Variants in AIDA observed in about 807,000 individuals in gnomAD.
The protein encoded by AIDA is axin interactor, dorsalization associated, also known as axin interactor, dorsalization-associated protein.
AIDA carries 18 observed loss-of-function variants against 42.7 expected under a neutral mutation model. The observed-to-expected ratio is 0.42, with a 90% CI of 0.29 to 0.63. The LOEUF is 0.63. AIDA is among the 20% of genes least tolerant of loss of function. The pLI, the probability that AIDA is intolerant of heterozygous loss-of-function variation, is 0.19. For missense variants in AIDA, 250 were observed against 354.1 expected (o/e 0.71, Z 2.36); for synonymous variants, 104 against 122.9 (o/e 0.85, Z 1.02).
At chr1:222,706,301 C>T (rs776777085) in intron 1 of AIDA, among the ~76,000 whole-genome samples, 2 of 151,984 alleles carry the variant, frequency 1.3e-5, no homozygotes, top group Non-Finnish European at 2.9e-5. Context: ...ATCATATGAC[C>T]CAGTAATTCC....
rs973009481 is a variant in AIDA, at chr1:222,706,627, G to C, written c.111-3410C>G. ...CTCATGCCTGTAATCCCAGCACATT[G>C]GGAGGCCGAGGCAGGTGGATCACTT... On this transcript the variant is annotated intron_variant, in intron 1 of 9. Coordinates refer to ENST00000340020, the MANE Select transcript of AIDA (RefSeq NM_022831.4). Among the ~76,000 whole-genome samples the C allele has an allele frequency of 2.0e-5, 3 of 152,028 alleles. No individual in the cohort carries two copies. The South Asian group carries it at 6.2e-4, about 32-fold the overall frequency.
chr1:222,689,350 G>A (rs1345194275), intron 4 of AIDA, among the ~76,000 whole-genome samples: 1 of 150,920 alleles, frequency 6.6e-6, no homozygotes, highest in Non-Finnish European at 1.5e-5. Flanking sequence ...TGAGTCATGA[G>A]AATTGCTTGA....
At chr1:222,682,741 A>T (rs980364136) in intron 6 of AIDA, among the ~76,000 whole-genome samples, 1 of 152,184 alleles carries the variant, frequency 6.6e-6, no homozygotes, top group Non-Finnish European at 1.5e-5. Context: ...CCAAAACATA[A>T]TAAAAATATA....
At chr1:222,700,267 C>T (rs1466943449) in intron 2 of AIDA, among the ~76,000 whole-genome samples, 1 of 152,128 alleles carries the variant, frequency 6.6e-6, no homozygotes, top group Non-Finnish European at 1.5e-5. Context: ...GAAGGCAGGG[C>T]AGAACACTTC....
At chr1:222,681,236 C>T (rs1021557533) in intron 6 of AIDA, among the ~76,000 whole-genome samples, 6 of 152,188 alleles carry the variant, frequency 3.9e-5, no homozygotes, top group African/African-American at 1.4e-4. Context: ...AAACAGAAAA[C>T]GCTGACACTG....
intron 8 of AIDA, 24 bp downstream of exon 8, chr1:222,673,289 C>T (rs1450342942): frequency 1.3e-6 from 2 of 1,585,068 alleles, no homozygotes; most frequent in Non-Finnish European, 1.7e-6. Context: ...CATAAGAAGC[C>T]AAGTATTATT....
intron 2 of AIDA, 99 bp from the exon 3 acceptor site, chr1:222,694,362 TTAAG>T (rs1655458599): frequency 9.9e-7 from 1 of 1,006,228 alleles, no homozygotes; most frequent in Non-Finnish European, 1.5e-6. Context: ...CATAATTCTC[TTAAG>T]TAAGTTAAAT....
At chr1:222,688,302 T>C (rs1655255759) in intron 4 of AIDA, among the ~76,000 whole-genome samples, 1 of 152,226 alleles carries the variant, frequency 6.6e-6, no homozygotes, top group African/African-American at 2.4e-5. Context: ...TGGTAGTTTG[T>C]AGCAGCAAGG....
At chr1:222,686,176 A>C (rs771745482) in intron 6 of AIDA, among the ~76,000 whole-genome samples, 3 of 152,186 alleles carry the variant, frequency 2.0e-5, no homozygotes, top group Non-Finnish European at 2.9e-5. Flanking sequence ...AAAACAAAAC[A>C]AAACAAAAGA....
At chr1:222,691,944 G>A (rs1321946533) in intron 4 of AIDA, among the ~76,000 whole-genome samples, 1 of 152,128 alleles carries the variant, frequency 6.6e-6, no homozygotes, top group East Asian at 1.9e-4. Context: ...AAAAGGAAAT[G>A]TTTGTTCTGG....
intron 2 of AIDA, among the ~76,000 whole-genome samples, chr1:222,694,683 G>A (rs1456591669): frequency 6.6e-6 from 1 of 152,146 alleles, no homozygotes; most frequent in Non-Finnish European, 1.5e-5. Flanking sequence ...ACACCAACTT[G>A]TTTAATATAT....
intron 2 of AIDA, among the ~76,000 whole-genome samples, 180 bp downstream of exon 2, chr1:222,702,968 C>G (rs1267100815): frequency 1.3e-5 from 2 of 152,238 alleles, no homozygotes; most frequent in Non-Finnish European, 2.9e-5. Context: ...ATTGATAAGT[C>G]ATATGGTATC....
chr1:222,696,012 CACT>C (rs1168793400), intron 2 of AIDA, among the ~76,000 whole-genome samples: 1 of 152,106 alleles, frequency 6.6e-6, no homozygotes, highest in Non-Finnish European at 1.5e-5. Context: ...CAAAATAAAC[CACT>C]ACTGAGCAAG....
chr1:222,686,316 T>C (rs532920142), intron 6 of AIDA, among the ~76,000 whole-genome samples: 1 of 152,306 alleles, frequency 6.6e-6, no homozygotes, highest in Admixed American at 6.5e-5. Flanking sequence ...GTTCCCACCA[T>C]TCCCTGATAA....
chr1:222,675,714 A>T (rs939078496), intron 7 of AIDA, among the ~76,000 whole-genome samples: 3 of 152,200 alleles, frequency 2.0e-5, no homozygotes, highest in African/African-American at 7.2e-5. Context: ...GGGAAACAGA[A>T]CACTGGGCTT....
intron 2 of AIDA, among the ~76,000 whole-genome samples, chr1:222,697,862 G>T (rs1039669630): frequency 6.6e-6 from 1 of 150,848 alleles, no homozygotes; most frequent in South Asian, 2.1e-4. Context: ...GAACTGAGGG[G>T]GAAGAGATGA....
At chr1:222,704,822 A>T (rs938616985) in intron 1 of AIDA, among the ~76,000 whole-genome samples, 5 of 151,548 alleles carry the variant, frequency 3.3e-5, no homozygotes, top group African/African-American at 9.7e-5. Flanking sequence ...TCTCAATTTT[A>T]AAAAAATATA....
chr1:222,697,098 G>A (rs146416794), intron 2 of AIDA, among the ~76,000 whole-genome samples: 2 of 151,588 alleles, frequency 1.3e-5, no homozygotes, highest in Non-Finnish European at 2.9e-5. Flanking sequence ...ATCCACCACC[G>A]CGCCCGGCTA....
chr1:222,697,469 A>C (rs1001554196), intron 2 of AIDA, among the ~76,000 whole-genome samples: 1 of 151,386 alleles, frequency 6.6e-6, no homozygotes, highest in African/African-American at 2.4e-5. Context: ...ATGACTCAGA[A>C]AAATGATTAA....
Sources: allele counts gnomAD v4.1 joint callset (sites outside exome capture counted in the v4.1 genomes callset), GRCh38; gene constraint gnomAD v4.1.1; transcripts MANE v1.5; gene names NCBI Gene and HGNC (gene_info 2026-07-23, HGNC 2026-07-21).